RNF128: variants seen among roughly 807,000 people sequenced by gnomAD.
The protein encoded by RNF128 is ring finger protein 128, also known as E3 ubiquitin-protein ligase RNF128.
A neutral mutation model predicts 26.2 loss-of-function variants in RNF128; 13 were observed. That is an observed-to-expected ratio of 0.50 (90% CI 0.32 to 0.79). RNF128 has a LOEUF of 0.79. RNF128 is among the 30% of genes least tolerant of loss of function. The probability of loss-of-function intolerance (pLI) is 0.03; values close to 1 mark genes in which losing one functional copy is unlikely to be tolerated. For missense variants in RNF128, 315 were observed against 349.7 expected (o/e 0.90, Z 0.79); for synonymous variants, 149 against 142.5 (o/e 1.05, Z -0.32).
chrX:106,751,025 G>C (rs1929874360), intron 1 of RNF128, among the ~76,000 whole-genome samples: 1 of 111,531 alleles, frequency 9.0e-6, no homozygotes, highest in African/African-American at 3.3e-5. Flanking sequence ...CAGGGAGCAA[G>C]ATGGCCAAAT....
chrX:106,732,407 G>A, intron 1 of RNF128, among the ~76,000 whole-genome samples: 1 of 111,735 alleles, frequency 8.9e-6, no homozygotes, highest in Non-Finnish European at 1.9e-5. Flanking sequence ...AATCTCTATA[G>A]AAACCTTTGT....
chrX:106,768,075 G>A (rs1299596284), intron 1 of RNF128, among the ~76,000 whole-genome samples: 3 of 111,934 alleles, frequency 2.7e-5, no homozygotes, highest in Admixed American at 9.5e-5. Context: ...CAACTTGATT[G>A]TGGTGGATAA....
At chrX:106,751,914 G>A (rs1929897179) in intron 1 of RNF128, among the ~76,000 whole-genome samples, 1 of 109,590 alleles carries the variant, frequency 9.1e-6, no homozygotes. Flanking sequence ...GGCTTCAGGT[G>A]TGACCCAGCA....
At chrX:106,782,441 G>C (rs1930583319) in intron 2 of RNF128, among the ~76,000 whole-genome samples, 1 of 112,004 alleles carries the variant, frequency 8.9e-6, no homozygotes, top group Admixed American at 9.5e-5. Flanking sequence ...GATTGCCACA[G>C]TTTGACAGAC....
chrX:106,719,299 A>G (rs143166332), intron 1 of RNF128, among the ~76,000 whole-genome samples: 1,380 of 109,752 alleles, frequency 0.013, 23 homozygotes, highest in African/African-American at 0.044. Flanking sequence ...AACTCACTTC[A>G]ACCTCCCCCA....
Position 106,764,191 on chromosome X carries a change from T to G in RNF128, c.485-8722T>G, listed in dbSNP as rs182527127. On this transcript the variant is annotated intron_variant, in intron 1 of 6. Transcript: ENST00000255499. ...CATGTTAGCCAGGATAGTCTTGATC[T>G]CCTGACCTCGTGATCCACCCACCTC... Among the ~76,000 whole-genome samples the G allele has an allele frequency of 1.4e-3, 151 of 106,271 alleles. 1 individual carries two copies. Among genetic ancestry groups the G allele is most frequent in the Middle Eastern group, 9.9e-3 (2 of 203 alleles). The allele number at this position is 106,271 out of a possible 115,157, so 92.3% of individuals were successfully genotyped here.
At chrX:106,702,907 C>T (rs945685324) in intron 1 of RNF128, among the ~76,000 whole-genome samples, 8 of 111,697 alleles carry the variant, frequency 7.2e-5, no homozygotes, top group African/African-American at 2.6e-4. Context: ...GCTTTGAGCA[C>T]ACAAATATTC....
In RNF128 at chrX:106,790,211, G is replaced by A. The variant is rs1569445695; in HGVS notation, c.913G>A (p.Asp305Asn). The change falls in exon 5 of 7, where the codon GAC becomes AAC. Residue 305 changes from aspartate to asparagine, a missense_variant. Transcript: ENST00000255499. ...CCATATTTTCCATAAGACATGTGTTGACCCATGGCTGTTAGAACACAGGAC... is the reference window on the plus strand; with the variant it reads ...CCATATTTTCCATAAGACATGTGTTAACCCATGGCTGTTAGAACACAGGAC... ...CNHIFHKTCV[D>N]PWLLEHRTCP... is the part of the protein sequence containing the mutation. The A allele has an allele frequency of 5.8e-6, 7 of 1,199,998 alleles. No homozygotes were observed. Among genetic ancestry groups the A allele is most frequent in the Non-Finnish European group, 6.8e-6 (6 of 887,350 alleles).
At chrX:106,763,410 A>C (rs73531117) in intron 1 of RNF128, among the ~76,000 whole-genome samples, 15,284 of 111,617 alleles carry the variant, frequency 0.14, 2,581 homozygotes, top group African/African-American at 0.48. Flanking sequence ...GCAATTGAGA[A>C]CAGTGGAGGG....
intron 2 of RNF128, among the ~76,000 whole-genome samples, chrX:106,777,943 C>T (rs755873220): frequency 8.0e-5 from 9 of 111,894 alleles, no homozygotes; most frequent in Non-Finnish European, 1.1e-4. Flanking sequence ...GCTCTCCAGC[C>T]TGGGTGACAG....
At chrX:106,768,977 A>C (rs1268385041) in intron 1 of RNF128, among the ~76,000 whole-genome samples, 1 of 111,969 alleles carries the variant, frequency 8.9e-6, no homozygotes, top group African/African-American at 3.3e-5. Flanking sequence ...TTATGTACCC[A>C]TTAGTCATTC....
At chrX:106,729,485 AT>A (rs1430243785) in intron 1 of RNF128, among the ~76,000 whole-genome samples, 5 of 111,482 alleles carry the variant, frequency 4.5e-5, no homozygotes, top group African/African-American at 1.6e-4. Flanking sequence ...ATGCAAAAAA[AT>A]AATGTACAAA....
intron 1 of RNF128, among the ~76,000 whole-genome samples, chrX:106,764,899 A>C (rs1930189381): frequency 8.9e-6 from 1 of 111,785 alleles, no homozygotes; most frequent in South Asian, 3.7e-4. Context: ...AAGACAAATA[A>C]TGTCTGTGAT....
chrX:106,785,998 A>T (rs922617671), intron 3 of RNF128, among the ~76,000 whole-genome samples: 2 of 111,905 alleles, frequency 1.8e-5, no homozygotes, highest in Non-Finnish European at 3.8e-5. Context: ...TCGGTTCCCC[A>T]CCAAACTAAT....
chrX:106,782,337 G>A (rs1045992478), intron 2 of RNF128, among the ~76,000 whole-genome samples: 1 of 111,378 alleles, frequency 9.0e-6, no homozygotes. Flanking sequence ...TTCTCATCTC[G>A]ATGTCCAACT....
At chrX:106,699,349 T>A (rs1245379767) in intron 1 of RNF128, among the ~76,000 whole-genome samples, 1 of 112,473 alleles carries the variant, frequency 8.9e-6, no homozygotes, top group Non-Finnish European at 1.9e-5. Context: ...TTTCTCTCTG[T>A]TTTTTAACAA....
chrX:106,760,616 A>G (rs1401028573), intron 1 of RNF128, among the ~76,000 whole-genome samples: 1 of 111,830 alleles, frequency 8.9e-6, no homozygotes, highest in Non-Finnish European at 1.9e-5. Flanking sequence ...CAATTACCAT[A>G]TAATCTGGCA....
intron 1 of RNF128, among the ~76,000 whole-genome samples, chrX:106,729,513 T>G (rs1022384865): frequency 1.5e-4 from 17 of 111,630 alleles, no homozygotes; most frequent in African/African-American, 4.6e-4. Context: ...ATTGTGCAAC[T>G]GTCGATTTGA....
intron 2 of RNF128, among the ~76,000 whole-genome samples, chrX:106,775,389 A>G (rs1410437827): frequency 8.9e-6 from 1 of 112,068 alleles, no homozygotes; most frequent in East Asian, 2.8e-4. Context: ...AATAAGGTTT[A>G]TAAAGAACTT....
Sources: allele counts gnomAD v4.1 joint callset (sites outside exome capture counted in the v4.1 genomes callset), GRCh38; gene constraint gnomAD v4.1.1; transcripts MANE v1.5; gene names NCBI Gene and HGNC (gene_info 2026-07-23, HGNC 2026-07-21).